LRRC57: variants seen among roughly 807,000 people sequenced by gnomAD.
LRRC57 encodes the protein leucine rich repeat containing 57, also known as leucine-rich repeat-containing protein 57.
Under a neutral mutation model 23.1 loss-of-function variants are expected in LRRC57, and 14 were observed. The observed-to-expected ratio is 0.61, with a 90% CI of 0.40 to 0.95. The LOEUF (loss-of-function observed/expected upper bound fraction) is 0.95. Among genes scored for constraint, LRRC57 ranks in the 40% least tolerant of loss-of-function variants. LRRC57 has a pLI of 0.00. For missense variants in LRRC57, 236 were observed against 284.4 expected (o/e 0.83, Z 1.22); for synonymous variants, 106 against 115.2 (o/e 0.92, Z 0.51).
At chr15:42,534,529 T>C (rs1389140702), downstream of LRRC57, among the ~76,000 whole-genome samples, 2 of 152,218 alleles carry the variant, frequency 1.3e-5, no homozygotes, top group African/African-American at 4.8e-5. Flanking sequence ...CTTTCATGAA[T>C]CATGAATGTC....
At chr15:42,545,054 T>G in intron 5 of LRRC57, 23 bp downstream of exon 5, 2 of 1,529,728 alleles carry the variant, frequency 1.3e-6, no homozygotes, top group Non-Finnish European at 1.8e-6. Context: ...TGACTAGAAA[T>G]GCAGAAGTAC....
At chr15:42,546,920 C>T (rs1201589326) in intron 4 of LRRC57, among the ~76,000 whole-genome samples, 1 of 152,140 alleles carries the variant, frequency 6.6e-6, no homozygotes, top group Non-Finnish European at 1.5e-5. Context: ...ACATTATATC[C>T]CTGACATAGC....
rs368065042 is a variant in LRRC57 at position 42,544,189 on chromosome 15, AT to A, written c.679-66del. 4,243 of 1,244,930 alleles carry A rather than the reference AT, an allele frequency of 3.4e-3. 14 individuals carry two copies. Among genetic ancestry groups the A allele is most frequent in the African/African-American group, 0.017 (1,079 of 65,002 alleles). The allele number at this position is 1,244,930 out of a possible 1,614,324, so 77.1% of individuals were successfully genotyped here. A position where few individuals can be genotyped will look rare whatever the true frequency, so the allele number is the denominator to read the frequency against. ...TGAGTAAATAAATATAAGCCTAACT[AT>A]TTTTTTTTTCATTTTGGTTTTTATT... On this transcript the variant is annotated intron_variant, in intron 5 of 5. Coordinates refer to ENST00000397130, the MANE Select transcript of LRRC57 (RefSeq NM_153260.3).
downstream of LRRC57, among the ~76,000 whole-genome samples, chr15:42,534,981 A>G (rs2057593172): frequency 6.6e-6 from 1 of 152,222 alleles, no homozygotes; most frequent in African/African-American, 2.4e-5. Context: ...TAAATGAGCA[A>G]TGCCTTCAGC....
chr15:42,545,297 G>C lies in LRRC57; in HGVS notation c.493-35C>G, dbSNP rs184104308. 7 of 1,480,586 alleles carry C rather than the reference G, an allele frequency of 4.7e-6. No individual in the cohort carries two copies. The Admixed American group carries it at 1.6e-4, about 34-fold the overall frequency. 91.7% of individuals were successfully genotyped at this position (1,480,586 alleles called of 1,614,324 possible). On this transcript the variant is annotated intron_variant, in intron 4 of 5. Transcript: ENST00000397130. The stretch of plus-strand genomic sequence containing the variant: ...AACCACAAAAGAATAACAGGAAAAA[G>C]CATAAGCACTATACTGGTTACTTTT...
At position 42,542,611 on chromosome 15, in the gene LRRC57, T is replaced by C. The variant is rs186314703; in HGVS notation, c.*1472A>G. On this transcript the variant is annotated 3_prime_UTR_variant, in exon 6 of 6. Transcript: ENST00000397130. Reference sequence around the variant, plus strand: ...TTGTTTTAAAATATTATAGTAATGGTTTATTGATAGGTAATTTGGTTAGTA... The same window carrying C: ...TTGTTTTAAAATATTATAGTAATGGCTTATTGATAGGTAATTTGGTTAGTA... 52 of 152,696 alleles carry C rather than the reference T, an allele frequency of 3.4e-4. No homozygotes were observed. Among genetic ancestry groups the C allele is most frequent in the African/African-American group, 9.1e-4 (38 of 41,556 alleles). 9.5% of individuals were successfully genotyped at this position (152,696 alleles called of 1,614,324 possible).
chr15:42,528,481 G>A, the LRRC57 span: 1 of 1,499,900 alleles, frequency 6.7e-7, no homozygotes, highest in Non-Finnish European at 9.3e-7. Context: ...CTTAGGAGAT[G>A]AGTTTAGCAG....
chr15:42,544,517 A>T (rs760507954), intron 5 of LRRC57, among the ~76,000 whole-genome samples: 1 of 151,522 alleles, frequency 6.6e-6, no homozygotes, highest in Admixed American at 6.6e-5. Context: ...GCCTCCAAAA[A>T]AAATAAATAA....
chr15:42,548,613 C>G, intron 1 of LRRC57, 80 bp downstream of exon 1: 1 of 656,254 alleles, frequency 1.5e-6, no homozygotes, highest in African/African-American at 1.8e-5. Context: ...GCCCGACCAC[C>G]AAGCCCTGCC....
At chr15:42,544,815 TCACACACA>T (rs202009649) in intron 5 of LRRC57, among the ~76,000 whole-genome samples, 6 of 131,852 alleles carry the variant, frequency 4.6e-5, no homozygotes, top group Non-Finnish European at 7.8e-5. Flanking sequence ...AGACCCTGTC[TCACACACA>T]CACACACACA....
intron 3 of LRRC57, 70 bp downstream of exon 3, chr15:42,548,036 A>G: frequency 6.5e-7 from 1 of 1,546,242 alleles, no homozygotes; most frequent in Non-Finnish European, 8.8e-7. Flanking sequence ...AACAAAAATC[A>G]GCTTGTAAGA....
At chr15:42,544,840 C>CTATATATATATATATATATATATATATAT (rs1167773259) in intron 5 of LRRC57, among the ~76,000 whole-genome samples, 13 of 108,962 alleles carry the variant, frequency 1.2e-4, no homozygotes, top group African/African-American at 5.5e-4. Flanking sequence ...CACACACACA[C>CTATATATATATATATATATATATATATAT]ACTATATATA....
Position 42,545,073 on chromosome 15 carries a change from A to C in LRRC57, c.678+4T>G. 1 of 1,582,676 alleles carries C rather than the reference A, an allele frequency of 6.3e-7. No individual in the cohort carries two copies. The highest frequency in any genetic ancestry group is 1.2e-5 in the South Asian group (1 of 86,384). ...TAGAAATGCAGAAGTACATTAATTC[A>C]TACCTTATCATAGCCTTCCAGTTCT... On this transcript the variant is annotated splice_donor_region_variant and intron_variant, in intron 5 of 5. Transcript: ENST00000397130.
At chr15:42,531,848 GC>G in the LRRC57 span, 1 of 159,588 alleles carries the variant, frequency 6.3e-6, no homozygotes, top group African/African-American at 2.4e-5. Context: ...GTTTATTTTT[GC>G]TTTTGTGGTT....
Position 42,545,092 on chromosome 15 carries a change from C to T in LRRC57, c.663G>A (p.Leu221=), listed in dbSNP as rs1476595331. 3 of 1,598,458 alleles carry T rather than the reference C, an allele frequency of 1.9e-6. No homozygotes were observed. Among genetic ancestry groups the T allele is most frequent in the African/African-American group, 1.4e-5 (1 of 73,436 alleles). The change falls in exon 5 of 6, where the codon CTG becomes CTA. Residue 221 remains leucine, a synonymous_variant. Transcript: ENST00000397130. ...NLFEIKKLRE[L]EGYDKYMERF... ...TAATTCATACCTTATCATAGCCTTC[C>T]AGTTCTCGAAGTTTCTTTATTTCAA...
downstream of LRRC57, among the ~76,000 whole-genome samples, chr15:42,533,613 C>T (rs1030297359): frequency 6.6e-6 from 1 of 152,158 alleles, no homozygotes; most frequent in African/African-American, 2.4e-5. Flanking sequence ...TCTGAGAATA[C>T]CAGCATGCTA....
chr15:42,548,583 A>C, intron 1 of LRRC57, 110 bp downstream of exon 1: 1 of 727,762 alleles, frequency 1.4e-6, no homozygotes, highest in Non-Finnish European at 2.2e-6. Flanking sequence ...AGCGACAAGG[A>C]AGAAACGGAA....
Position 42,548,440 on chromosome 15 carries a change from C to A in LRRC57, c.-6G>T. The A allele has an allele frequency of 6.2e-7, 1 of 1,613,376 alleles. No individual in the cohort carries two copies. Among genetic ancestry groups the A allele is most frequent in the Non-Finnish European group, 8.5e-7 (1 of 1,180,004 alleles). ...CGGAGCGCACTGTTTCCCATCCTAG[C>A]GCCGCGGCTCAGGTCCCTGCGGGAA... On this transcript the variant is annotated 5_prime_UTR_variant, in exon 2 of 6. Transcript: ENST00000397130.
chr15:42,543,040 T>A lies in LRRC57; in HGVS notation c.*1043A>T, dbSNP rs1237027691. The A allele has an allele frequency of 1.3e-5, 2 of 151,040 alleles. No homozygotes were observed. The highest frequency in any genetic ancestry group is 2.9e-5 in the Non-Finnish European group (2 of 67,898). 9.4% of individuals were successfully genotyped at this position (151,040 alleles called of 1,614,324 possible). A position where few individuals can be genotyped will look rare whatever the true frequency, so the allele number is the denominator to read the frequency against. On this transcript the variant is annotated 3_prime_UTR_variant, in exon 6 of 6. Transcript: ENST00000397130. ...TACCCACCACCACGCCCAGCTAATT[T>A]TTGTATTTTCAGTAGAGACAGGGTT...
Sources: gnomAD v4.1 joint callset for allele counts (sites outside exome capture counted in the v4.1 genomes callset) on GRCh38, gnomAD v4.1.1 for gene constraint, MANE v1.5 for transcripts, NCBI Gene and HGNC (gene_info 2026-07-23, HGNC 2026-07-21) for gene names.